ELMO1: variants seen among roughly 807,000 people sequenced by gnomAD.
ELMO1 encodes the protein engulfment and cell motility protein 1.
ELMO1 carries 26 observed loss-of-function variants against 98.9 expected under a neutral mutation model. The ratio of observed to expected loss-of-function variants is 0.26; its 90% CI spans 0.19 to 0.36. The LOEUF (loss-of-function observed/expected upper bound fraction) is 0.36. Among genes scored for constraint, ELMO1 ranks in the 10% least tolerant of loss-of-function variants. The pLI is 1.00. For missense variants in ELMO1, 627 were observed against 935.2 expected, an observed-to-expected ratio of 0.67 and a Z score of 4.30; for synonymous variants, 346 against 346.0, an observed-to-expected ratio of 1.00 and a Z score of 0.00.
intron 13 of ELMO1, among the ~76,000 whole-genome samples, chr7:37,148,392 C>G (rs944225421): frequency 6.6e-6 from 1 of 152,172 alleles, no homozygotes; most frequent in African/African-American, 2.4e-5. Flanking sequence ...AAATAATACT[C>G]TTTTAAATTT....
chr7:37,307,971 C>T (rs182975216), intron 4 of ELMO1, among the ~76,000 whole-genome samples: 20 of 152,040 alleles, frequency 1.3e-4, no homozygotes, highest in Non-Finnish European at 2.2e-4. Context: ...AAATTAGCCG[C>T]GCATGGTGGC....
At chr7:37,076,701 T>G (rs1434647831) in intron 15 of ELMO1, among the ~76,000 whole-genome samples, 1 of 152,204 alleles carries the variant, frequency 6.6e-6, no homozygotes, top group Non-Finnish European at 1.5e-5. Context: ...GTTCCATTGG[T>G]GAGTATCTAG....
At chr7:37,253,077 A>G (rs949925106) in intron 6 of ELMO1, among the ~76,000 whole-genome samples, 14 of 152,204 alleles carry the variant, frequency 9.2e-5, no homozygotes, top group African/African-American at 2.2e-4. Context: ...TCAAGAAACA[A>G]CAGATGCTGA....
chr7:37,384,789 G>A (rs1583663408), intron 1 of ELMO1, among the ~76,000 whole-genome samples: 1 of 151,474 alleles, frequency 6.6e-6, no homozygotes, highest in South Asian at 2.1e-4. Flanking sequence ...ATCTACTTGA[G>A]AGGTTGCCTC....
rs548757515 is a variant in ELMO1, at chr7:36,901,291, G to A, written c.1438-6274C>T. Among the ~76,000 whole-genome samples, 11 of 152,262 alleles carry A rather than the reference G, an allele frequency of 7.2e-5. No individual in the cohort carries two copies. In the South Asian group the frequency reaches 1.9e-3, roughly 26 times the overall value. On this transcript the variant is annotated intron_variant, in intron 16 of 21. Coordinates refer to ENST00000310758, the MANE Select transcript of ELMO1 (RefSeq NM_014800.11). ...TAAAATGAAGGAGAGAGAAAATAAA[G>A]GTGCTGTCTGGGCTGAAGGAGTAGC...
At chr7:36,913,140 T>C (rs1176628117) in intron 16 of ELMO1, among the ~76,000 whole-genome samples, 1 of 152,240 alleles carries the variant, frequency 6.6e-6, no homozygotes, top group Non-Finnish European at 1.5e-5. Context: ...TGCTGCTATG[T>C]TAATTACACT....
intron 4 of ELMO1, among the ~76,000 whole-genome samples, chr7:37,287,429 T>A (rs902361983): frequency 2.0e-5 from 3 of 152,160 alleles, no homozygotes; most frequent in Non-Finnish European, 4.4e-5. Flanking sequence ...GACCCCTGTA[T>A]TAAAGCATTA....
chr7:36,910,806 G>A (rs1784294303), intron 16 of ELMO1, among the ~76,000 whole-genome samples: 1 of 152,176 alleles, frequency 6.6e-6, no homozygotes, highest in African/African-American at 2.4e-5. Context: ...TACAGTCAAA[G>A]ATGAACAGTT....
At chr7:36,899,278 TAA>T in intron 16 of ELMO1, among the ~76,000 whole-genome samples, 1 of 152,184 alleles carries the variant, frequency 6.6e-6, no homozygotes, top group South Asian at 2.1e-4. Context: ...AGGAATTTGA[TAA>T]TATAAAGTAT....
chr7:37,317,032 C>T (rs1429538927), intron 2 of ELMO1, among the ~76,000 whole-genome samples: 1 of 152,020 alleles, frequency 6.6e-6, no homozygotes, highest in Admixed American at 6.5e-5. Flanking sequence ...TCTACCTACC[C>T]CTCAGGCTGT....
At chr7:37,124,175 A>G (rs1433369652) in intron 14 of ELMO1, among the ~76,000 whole-genome samples, 2 of 151,844 alleles carry the variant, frequency 1.3e-5, no homozygotes, top group African/African-American at 2.4e-5. Flanking sequence ...CACAGCCAAT[A>G]TCATACTGAA....
chr7:37,403,505 G>T (rs1803621220), intron 1 of ELMO1, among the ~76,000 whole-genome samples: 1 of 152,108 alleles, frequency 6.6e-6, no homozygotes, highest in South Asian at 2.1e-4. Context: ...GTATGATATT[G>T]TAACAGTAGC....
chr7:37,373,464 C>T (rs1802199981), intron 1 of ELMO1, among the ~76,000 whole-genome samples: 1 of 152,090 alleles, frequency 6.6e-6, no homozygotes, highest in Middle Eastern at 3.4e-3. Context: ...AAAAAATTAG[C>T]TGGGTGTGGT....
At chr7:37,037,528 C>A (rs1000639530) in intron 15 of ELMO1, among the ~76,000 whole-genome samples, 1 of 152,190 alleles carries the variant, frequency 6.6e-6, no homozygotes, top group African/African-American at 2.4e-5. Context: ...AGGAATCGGG[C>A]CATCGGAAGG....
chr7:37,236,023 A>G (rs1229206513), intron 7 of ELMO1, among the ~76,000 whole-genome samples: 1 of 152,266 alleles, frequency 6.6e-6, no homozygotes, highest in African/African-American at 2.4e-5. Context: ...AGATGACATT[A>G]GTCTTCAGTA....
At chr7:36,876,043 G>A (rs1803932277) in intron 19 of ELMO1, among the ~76,000 whole-genome samples, 2 of 152,284 alleles carry the variant, frequency 1.3e-5, no homozygotes, top group Admixed American at 1.3e-4. Flanking sequence ...CTTGTGACAG[G>A]TTAAGAATGG....
At chr7:36,932,707 C>T (rs561336533) in intron 16 of ELMO1, among the ~76,000 whole-genome samples, 1 of 152,312 alleles carries the variant, frequency 6.6e-6, no homozygotes, top group South Asian at 2.1e-4. Flanking sequence ...TCATTCTTCT[C>T]TCTGTGCCTC....
chr7:36,970,966 C>T (rs924475089), intron 16 of ELMO1, among the ~76,000 whole-genome samples: 2 of 152,200 alleles, frequency 1.3e-5, no homozygotes, highest in African/African-American at 4.8e-5. Flanking sequence ...CAGAGCTGGA[C>T]ATCAGAATGA....
intron 10 of ELMO1, 37 bp downstream of exon 10, chr7:37,222,578 C>T (rs1793657507): frequency 6.2e-7 from 1 of 1,602,262 alleles, no homozygotes; most frequent in African/African-American, 1.3e-5. Context: ...AGTTCCTAGC[C>T]TTGACATAGC....
Sources: allele counts gnomAD v4.1 joint callset (sites outside exome capture counted in the v4.1 genomes callset), GRCh38; gene constraint gnomAD v4.1.1; transcripts MANE v1.5; gene names NCBI Gene and HGNC (gene_info 2026-07-23, HGNC 2026-07-21).